Variants in FGF2 observed in about 807,000 individuals in gnomAD.
The protein encoded by FGF2 is fibroblast growth factor 2.
Under a neutral mutation model 15.9 loss-of-function variants are expected in FGF2, and 13 were observed. The observed-to-expected ratio is 0.82, with a 90% CI of 0.53 to 1.30. The LOEUF (loss-of-function observed/expected upper bound fraction) is 1.30, where lower values mean the gene tolerates loss of function less well. FGF2 is among the 50% of genes most tolerant of loss of function. The pLI is 0.00. For synonymous variants in FGF2, 90 were observed against 78.4 expected (o/e 1.15, Z -0.78); for missense variants, 163 against 196.9 (o/e 0.83, Z 1.03).
chr4:122,877,654 C>CGT (rs973150790), intron 2 of FGF2, among the ~76,000 whole-genome samples: 1 of 152,164 alleles, frequency 6.6e-6, no homozygotes, highest in Non-Finnish European at 1.5e-5. Context: ...AATGTTTGTG[C>CGT]GTGTGTGTGT....
chr4:122,869,694 G>A (rs1285969479), intron 1 of FGF2, among the ~76,000 whole-genome samples: 4 of 152,148 alleles, frequency 2.6e-5, no homozygotes, highest in South Asian at 2.1e-4. Context: ...TTTGTATCCC[G>A]AGACTTTGCT....
intron 1 of FGF2, among the ~76,000 whole-genome samples, chr4:122,856,706 T>C (rs933820837): frequency 1.3e-5 from 2 of 152,208 alleles, no homozygotes; most frequent in Non-Finnish European, 2.9e-5. Flanking sequence ...CCTTGTACTC[T>C]TTACCCAATT....
At chr4:122,877,105 C>CT (rs996104673) in intron 2 of FGF2, among the ~76,000 whole-genome samples, 8 of 143,070 alleles carry the variant, frequency 5.6e-5, no homozygotes, top group East Asian at 2.0e-4. Context: ...AGGAGAGGGA[C>CT]TTTTTTTTTT....
Position 122,827,055 on chromosome 4 carries a change from G to GGGGGCC in FGF2, c.-106_-101dup, listed in dbSNP as rs966524067. The GGGGGCC allele has an allele frequency of 3.2e-5, 35 of 1,110,724 alleles. No homozygotes were observed. In the South Asian group the frequency reaches 4.3e-4, roughly 14 times the overall value. 68.8% of individuals were successfully genotyped at this position (1,110,724 alleles called of 1,614,324 possible). On this transcript the variant is annotated 5_prime_UTR_variant, in exon 1 of 3. Coordinates refer to ENST00000644866, the MANE Select transcript of FGF2 (RefSeq NM_001361665.2). This position sits in a 1 kb window ranked among gnomAD's most constrained non-coding sequence, Gnocchi z 4.2. The stretch of plus-strand genomic sequence containing the variant: ...CCGCGCGCTGCCGGGCGGGAGGCTG[G>GGGGGCC]GGGGCCGGGGCCGGGGCCGTGCCCC...
intron 1 of FGF2, among the ~76,000 whole-genome samples, chr4:122,845,706 T>C (rs190422368): frequency 6.6e-6 from 1 of 152,346 alleles, no homozygotes; most frequent in African/African-American, 2.4e-5. Flanking sequence ...TCAGCCTTCA[T>C]AGAACTGAAG....
intron 1 of FGF2, among the ~76,000 whole-genome samples, chr4:122,850,392 T>G (rs1726205431): frequency 6.6e-6 from 1 of 152,246 alleles, no homozygotes; most frequent in South Asian, 2.1e-4. Flanking sequence ...ATAAGAGATT[T>G]CGATTCAGAG....
intron 1 of FGF2, among the ~76,000 whole-genome samples, chr4:122,863,194 C>T (rs1023272207): frequency 6.6e-6 from 1 of 152,112 alleles, no homozygotes; most frequent in African/African-American, 2.4e-5. Flanking sequence ...CTGTCTTCCC[C>T]AATGAAAGTG....
In FGF2 at chr4:122,893,419, A is replaced by G. The variant is rs1727251342; in HGVS notation, c.*1023A>G. On this transcript the variant is annotated 3_prime_UTR_variant, in exon 3 of 3. Coordinates refer to ENST00000644866, the MANE Select transcript of FGF2 (RefSeq NM_001361665.2). ...ATATTTTCTTACCACTGTAAATTCAAGAAGCTTTTGAAATGCTGAATATTT... is the reference window on the plus strand; with the variant it reads ...ATATTTTCTTACCACTGTAAATTCAGGAAGCTTTTGAAATGCTGAATATTT... The G allele has an allele frequency of 4.1e-6, 2 of 491,092 alleles. No individual in the cohort carries two copies. The highest frequency in any genetic ancestry group is 6.9e-6 in the Non-Finnish European group (2 of 291,898). 30.4% of individuals were successfully genotyped at this position (491,092 alleles called of 1,614,324 possible). A position where few individuals can be genotyped will look rare whatever the true frequency, so the allele number is the denominator to read the frequency against.
At chr4:122,849,988 G>A (rs1468085147) in intron 1 of FGF2, among the ~76,000 whole-genome samples, 10 of 152,206 alleles carry the variant, frequency 6.6e-5, no homozygotes, top group African/African-American at 1.2e-4. Context: ...CTGGCTGGGC[G>A]CGGTGGCTCA....
intron 2 of FGF2, among the ~76,000 whole-genome samples, chr4:122,885,832 T>C (rs1019693166): frequency 1.3e-5 from 2 of 151,996 alleles, no homozygotes; most frequent in Non-Finnish European, 2.9e-5. Flanking sequence ...ACTTTCCTTA[T>C]TTTTGATTAC....
chr4:122,864,546 G>C (rs533413933), intron 1 of FGF2, among the ~76,000 whole-genome samples: 1 of 152,112 alleles, frequency 6.6e-6, no homozygotes, highest in African/African-American at 2.4e-5. Flanking sequence ...TTTACAGTTG[G>C]TTTATTCTCC....
intron 1 of FGF2, among the ~76,000 whole-genome samples, chr4:122,860,072 G>T (rs1332878874): frequency 6.6e-6 from 1 of 152,122 alleles, no homozygotes; most frequent in African/African-American, 2.4e-5. Context: ...TTTGGTTGGG[G>T]TGGAAATGAC....
rs114399263 is a variant in FGF2, at chr4:122,827,515, C to G, written c.178+163C>G. Among the ~76,000 whole-genome samples the G allele has an allele frequency of 0.016, 2,435 of 152,236 alleles. 30 individuals carry two copies. The highest frequency in any genetic ancestry group is 0.023 in the African/African-American group (969 of 41,554). On this transcript the variant is annotated intron_variant, in intron 1 of 2. Coordinates refer to ENST00000644866, the MANE Select transcript of FGF2 (RefSeq NM_001361665.2). This position sits in a 1 kb window ranked among gnomAD's most constrained non-coding sequence, Gnocchi z 4.2. ...CGGCGGTTTCGGGTTCACCACTCAC[C>G]CCCTCCTTTCCGGGCTGCGGCGTAG... is the stretch of plus-strand genomic sequence containing the variant.
chr4:122,869,820 C>T (rs1387499003), intron 1 of FGF2, among the ~76,000 whole-genome samples: 1 of 152,128 alleles, frequency 6.6e-6, no homozygotes, highest in Non-Finnish European at 1.5e-5. Context: ...TATTTCAATA[C>T]CCTTTGTTTC....
At chr4:122,845,660 G>A (rs1232172188) in intron 1 of FGF2, among the ~76,000 whole-genome samples, 1 of 152,216 alleles carries the variant, frequency 6.6e-6, no homozygotes, top group Non-Finnish European at 1.5e-5. Context: ...AGCTCTGCTA[G>A]CCTCCAACTT....
At chr4:122,863,501 C>G (rs975473384) in intron 1 of FGF2, among the ~76,000 whole-genome samples, 2 of 152,062 alleles carry the variant, frequency 1.3e-5, no homozygotes, top group East Asian at 3.9e-4. Context: ...GACATTCTAC[C>G]CAGAATATCA....
At chr4:122,846,712 A>T (rs1246278805) in intron 1 of FGF2, among the ~76,000 whole-genome samples, 1 of 152,220 alleles carries the variant, frequency 6.6e-6, no homozygotes, top group Non-Finnish European at 1.5e-5. Flanking sequence ...TTACCTATGT[A>T]TTTGTGAATT....
chr4:122,847,794 G>A (rs187231519), intron 1 of FGF2, among the ~76,000 whole-genome samples: 43 of 152,326 alleles, frequency 2.8e-4, no homozygotes, highest in African/African-American at 7.0e-4. Context: ...ACCAAAGGCC[G>A]TCTGCTGGCT....
intron 1 of FGF2, among the ~76,000 whole-genome samples, chr4:122,845,585 C>G (rs1726093244): frequency 6.6e-6 from 1 of 152,224 alleles, no homozygotes; most frequent in African/African-American, 2.4e-5. Flanking sequence ...TACATCAGCA[C>G]TGTCTGTGTT....
Sources: gnomAD v4.1 joint callset for allele counts (sites outside exome capture counted in the v4.1 genomes callset) on GRCh38, gnomAD v4.1.1 for gene constraint, Gnocchi (gnomAD v3.1) non-coding constraint, MANE v1.5 for transcripts, NCBI Gene and HGNC (gene_info 2026-07-23, HGNC 2026-07-21) for gene names.